The following VPS53 variants were observed in gnomAD, a reference collection of about 807,000 sequenced individuals.
VPS53 encodes VPS53 subunit of GARP complex.
In VPS53, 70 loss-of-function variants were observed where a neutral mutation model predicts 107.0. That is an observed-to-expected ratio of 0.65 (90% CI 0.54 to 0.80). The LOEUF (loss-of-function observed/expected upper bound fraction) is 0.80. Among genes scored for constraint, VPS53 ranks in the 30% least tolerant of loss-of-function variants. The pLI is 0.00. For synonymous variants in VPS53, 409 were observed against 393.3 expected (o/e 1.04, Z -0.47); for missense variants, 917 against 1,049.4 (o/e 0.87, Z 1.74).
intron 11 of VPS53, among the ~76,000 whole-genome samples, chr17:619,496 G>A (rs201624172): frequency 1.5e-4 from 20 of 134,596 alleles, no homozygotes; most frequent in South Asian, 4.8e-4. Context: ...TATATTTCCC[G>A]GATAGCTGGG....
intron 4 of VPS53, among the ~76,000 whole-genome samples, chr17:665,656 A>G (rs1475142444): frequency 6.6e-6 from 1 of 152,186 alleles, no homozygotes; most frequent in Non-Finnish European, 1.5e-5. Flanking sequence ...AATGTAGAGA[A>G]AGTCTGGAAC....
chr17:713,356 G>T (rs2144043574), intron 1 of VPS53, among the ~76,000 whole-genome samples: 1 of 152,196 alleles, frequency 6.6e-6, no homozygotes, highest in African/African-American at 2.4e-5. Context: ...TGCAGTATTA[G>T]AAATCACTAT....
chr17:595,169 C>T (rs1478180346), intron 12 of VPS53, among the ~76,000 whole-genome samples: 2 of 111,164 alleles, frequency 1.8e-5, no homozygotes, highest in Admixed American at 8.3e-5. Context: ...TGATGATGCA[C>T]TCTAGTGTCC....
intron 17 of VPS53, among the ~76,000 whole-genome samples, chr17:544,260 GT>G (rs942773029): frequency 2.0e-5 from 3 of 152,136 alleles, no homozygotes; most frequent in Non-Finnish European, 4.4e-5. Flanking sequence ...ATGAACACTC[GT>G]GTGGACCCAC....
At chr17:693,309 C>T (rs748426638) in intron 4 of VPS53, among the ~76,000 whole-genome samples, 39 of 152,228 alleles carry the variant, frequency 2.6e-4, no homozygotes, top group Non-Finnish European at 5.1e-4. Context: ...GCCTAATTTG[C>T]ATGCTAAAAT....
chr17:517,174 C>T lies in VPS53; in HGVS notation c.*1954G>A, dbSNP rs953425318. On this transcript the variant is annotated 3_prime_UTR_variant, in exon 22 of 22. Transcript: ENST00000437048. ...GGGGGCTCTCCCGACTGCCGCCCCC[C>T]GCCCTTGTCTTATTTGGAATCTTTT... 1.2e-5 allele frequency: 4 copies of T among 324,740 alleles called. No homozygotes were observed. Among genetic ancestry groups the T allele is most frequent in the Admixed American group, 9.8e-5 (2 of 20,404 alleles). The allele number at this position is 324,740 out of a possible 1,614,324, so 20.1% of individuals were successfully genotyped here. A position where few individuals can be genotyped will look rare whatever the true frequency, so the allele number is the denominator to read the frequency against.
intron 17 of VPS53, among the ~76,000 whole-genome samples, chr17:550,364 T>C (rs1302805379): frequency 6.6e-6 from 1 of 152,224 alleles, no homozygotes; most frequent in Non-Finnish European, 1.5e-5. Flanking sequence ...GAGCAGACAT[T>C]GGCAAACTTT....
At chr17:567,336 C>T (rs1165912607) in intron 13 of VPS53, among the ~76,000 whole-genome samples, 1 of 151,964 alleles carries the variant, frequency 6.6e-6, no homozygotes, top group Non-Finnish European at 1.5e-5. Context: ...GTTGGGGAAA[C>T]CTTCCCCTGC....
At chr17:661,223 A>AG (rs1036914165) in intron 5 of VPS53, among the ~76,000 whole-genome samples, 9 of 151,650 alleles carry the variant, frequency 5.9e-5, no homozygotes, top group Non-Finnish European at 1.3e-4. Context: ...TTCAGAAAGG[A>AG]GAAAAAAAAA....
chr17:579,574 T>C (rs1966880798), intron 13 of VPS53, among the ~76,000 whole-genome samples: 1 of 146,144 alleles, frequency 6.8e-6, no homozygotes, highest in South Asian at 2.2e-4. Flanking sequence ...TCAGAGATCC[T>C]CCCTCATGAC....
intron 13 of VPS53, among the ~76,000 whole-genome samples, chr17:566,197 C>T (rs1042347463): frequency 4.1e-5 from 6 of 144,928 alleles, no homozygotes; most frequent in African/African-American, 7.9e-5. Flanking sequence ...GAGCGAGACT[C>T]CGTCTCAAAA....
At chr17:546,880 T>G (rs984788608) in intron 17 of VPS53, among the ~76,000 whole-genome samples, 4 of 141,422 alleles carry the variant, frequency 2.8e-5, no homozygotes, top group Admixed American at 2.8e-4. Context: ...CTTTTTTTTT[T>G]TTTTTTTTTT....
intron 5 of VPS53, chr17:656,975 G>A (rs748938692): frequency 3.2e-6 from 3 of 937,312 alleles, no homozygotes; most frequent in Admixed American, 3.5e-5. Context: ...CACGTCAGAA[G>A]ATCCCGGGTA....
intron 5 of VPS53, 136 bp downstream of exon 5, chr17:661,673 G>T: frequency 1.3e-6 from 1 of 757,736 alleles, no homozygotes; most frequent in East Asian, 2.7e-5. Flanking sequence ...ATTCATAGGG[G>T]GCTTGCTTTA....
chr17:687,001 T>C (rs1455100001), intron 4 of VPS53, among the ~76,000 whole-genome samples: 2 of 151,950 alleles, frequency 1.3e-5, no homozygotes, highest in Non-Finnish European at 2.9e-5. Flanking sequence ...AAAAATTACA[T>C]TAGCTGGGCG....
Position 603,354 on chromosome 17 carries a change from G to A in VPS53, c.1117-1458C>T, listed in dbSNP as rs186177874. ...CAAGAATTGCTTGAATCCAGGAAGT[G>A]GAGGTTGCAGTGAGCCAAGATGGCA... On this transcript the variant is annotated intron_variant, in intron 11 of 21. Transcript: ENST00000437048. Among the ~76,000 whole-genome samples the A allele has an allele frequency of 2.7e-3, 411 of 152,344 alleles. 3 individuals are homozygous for A. Among genetic ancestry groups the A allele is most frequent in the African/African-American group, 9.3e-3 (387 of 41,572 alleles).
At chr17:708,969 C>T (rs1304106440) in intron 2 of VPS53, among the ~76,000 whole-genome samples, 3 of 152,176 alleles carry the variant, frequency 2.0e-5, no homozygotes, top group South Asian at 2.1e-4. Context: ...TTTCCGCCCA[C>T]GCCTTCCTTC....
At chr17:679,106 A>G (rs1972286505) in intron 4 of VPS53, among the ~76,000 whole-genome samples, 1 of 152,244 alleles carries the variant, frequency 6.6e-6, no homozygotes, top group Admixed American at 6.5e-5. Context: ...CTGAAACAGG[A>G]AAAGAGGAGA....
At chr17:644,568 T>C (rs1970601208) in intron 7 of VPS53, among the ~76,000 whole-genome samples, 1 of 150,776 alleles carries the variant, frequency 6.6e-6, no homozygotes, top group South Asian at 2.1e-4. Flanking sequence ...TTGTCTCCTC[T>C]TGTGCTCTTT....
Sources: allele counts gnomAD v4.1 joint callset (sites outside exome capture counted in the v4.1 genomes callset), GRCh38; gene constraint gnomAD v4.1.1; transcripts MANE v1.5; gene names NCBI Gene and HGNC (gene_info 2026-07-23, HGNC 2026-07-21).